The following TENM4 variants were observed in gnomAD, a reference collection of about 807,000 sequenced individuals.
The protein encoded by TENM4 is teneurin transmembrane protein 4.
In TENM4, 82 loss-of-function variants were observed where a neutral mutation model predicts 243.3. The observed-to-expected ratio is 0.34, with a 90% CI of 0.28 to 0.40. TENM4 has a LOEUF of 0.40. Ranked by LOEUF, TENM4 falls within the 10% of genes least tolerant of loss-of-function variation. TENM4 has a pLI of 1.00. For synonymous variants in TENM4, 1,412 were observed against 1,456.3 expected (o/e 0.97, Z 0.69); for missense variants, 3,138 against 3,673.3 (o/e 0.85, Z 3.77).
intron 3 of TENM4, among the ~76,000 whole-genome samples, chr11:79,204,480 A>T (rs1863809240): frequency 6.6e-6 from 1 of 152,116 alleles, no homozygotes; most frequent in Admixed American, 6.5e-5. Flanking sequence ...GGTTGGGGAG[A>T]TACAATGTGG....
chr11:79,136,671 C>T (rs936498961), intron 4 of TENM4, among the ~76,000 whole-genome samples: 8 of 152,134 alleles, frequency 5.3e-5, no homozygotes, highest in Non-Finnish European at 5.9e-5. Context: ...TATGGGTTTG[C>T]CTATCCTTCA....
chr11:79,422,480 G>T (rs756294789), intron 1 of TENM4, among the ~76,000 whole-genome samples: 6 of 151,958 alleles, frequency 3.9e-5, no homozygotes, highest in Non-Finnish European at 8.8e-5. Flanking sequence ...TTAATATGGG[G>T]CCCCTAATTC....
chr11:79,018,536 T>C lies in TENM4; in HGVS notation c.493+46202A>G, dbSNP rs566822513. On this transcript the variant is annotated intron_variant, in intron 6 of 33. Coordinates refer to ENST00000278550, the MANE Select transcript of TENM4 (RefSeq NM_001098816.3). ...ACCAGTAAGCTGATTATTTATAATG[T>C]GGCAGAAGATAGTTTTAAGATAAAG... Among the ~76,000 whole-genome samples the C allele has an allele frequency of 1.5e-3, 234 of 152,244 alleles. 2 individuals carry two copies. The highest frequency in any genetic ancestry group is 5.5e-3 in the African/African-American group (229 of 41,546).
chr11:79,100,509 T>C (rs1861200965), intron 4 of TENM4, among the ~76,000 whole-genome samples: 1 of 152,170 alleles, frequency 6.6e-6, no homozygotes, highest in Non-Finnish European at 1.5e-5. Context: ...GGATCATAGC[T>C]AGTTGTGGGG....
chr11:78,737,821 A>G (rs1453290915), intron 20 of TENM4, among the ~76,000 whole-genome samples: 1 of 152,214 alleles, frequency 6.6e-6, no homozygotes, highest in Non-Finnish European at 1.5e-5. Context: ...TGGGGAACTA[A>G]GATTTGTTAA....
Position 78,786,975 on chromosome 11 carries a change from C to G in TENM4, c.2288G>C (p.Arg763Pro). 2 of 1,591,402 alleles carry G rather than the reference C, an allele frequency of 1.3e-6. No individual in the cohort carries two copies. The highest frequency in any genetic ancestry group is 1.7e-6 in the Non-Finnish European group (2 of 1,169,308). Residue 763 changes from arginine to proline, a missense_variant, in exon 16 of 34, where the codon CGC (arginine) becomes CCC (proline). By Grantham distance (103) the Arg-to-Pro change is moderately radical. Around this residue, in one of 2 missense-constraint regions of TENM4, gnomAD observed 2,467 missense variants for 3,059.1 expected, o/e 0.81. Transcript: ENST00000278550. ...GCGGCAGGTCCCATGCTCGGCACAG[C>G]GCGGGTGGCAGGCCCGCTGGTCGCA... ...AACDQRACHPRCAEHGTCRDG... is the reference protein window; with the variant it reads ...AACDQRACHPPCAEHGTCRDG...
chr11:78,938,329 A>G (rs1266477307), intron 6 of TENM4, among the ~76,000 whole-genome samples: 2 of 152,190 alleles, frequency 1.3e-5, no homozygotes, highest in African/African-American at 2.4e-5. Flanking sequence ...AAGAGTTCCT[A>G]TGCACTTTTC....
At chr11:79,092,998 C>G (rs1392612915) in intron 4 of TENM4, 3 of 152,186 alleles carry the variant, frequency 2.0e-5, no homozygotes, top group African/African-American at 7.2e-5. Flanking sequence ...GTCAAGAGTA[C>G]TTGGTAAGTT....
In TENM4 at chr11:78,771,193, C is replaced by A. The variant is rs949971467; in HGVS notation, c.2393-55G>T. On this transcript the variant is annotated intron_variant, in intron 17 of 33. Coordinates refer to ENST00000278550, the MANE Select transcript of TENM4 (RefSeq NM_001098816.3). ...GATCACCCAGAGTCAACTGCCATCA[C>A]ACACACTAACACGCTACCTGCCAAC... 5.2e-6 allele frequency: 8 copies of A among 1,537,276 alleles called. No homozygotes were observed. In the African/African-American group the frequency reaches 1.1e-4, roughly 21 times the overall value.
intron 9 of TENM4, among the ~76,000 whole-genome samples, chr11:78,871,760 C>T (rs1034622949): frequency 6.6e-6 from 1 of 152,166 alleles, no homozygotes; most frequent in African/African-American, 2.4e-5. Context: ...ACAGCACGGG[C>T]CATGTCAGGC....
intron 28 of TENM4, among the ~76,000 whole-genome samples, chr11:78,697,386 C>A (rs746395967): frequency 1.3e-5 from 2 of 152,282 alleles, no homozygotes; most frequent in South Asian, 2.1e-4. Context: ...AGGAAACGCA[C>A]GAATTTACCT....
At chr11:79,228,776 T>A (rs1162131031) in intron 2 of TENM4, among the ~76,000 whole-genome samples, 2 of 152,230 alleles carry the variant, frequency 1.3e-5, no homozygotes, top group South Asian at 2.1e-4. Flanking sequence ...ATTGCCACGA[T>A]AGCACAGACC....
chr11:78,995,961 G>A (rs1410843833), intron 6 of TENM4, among the ~76,000 whole-genome samples: 1 of 152,112 alleles, frequency 6.6e-6, no homozygotes, highest in Non-Finnish European at 1.5e-5. Flanking sequence ...TTCCCATTGA[G>A]CCTAAACTGA....
At chr11:78,832,372 A>G (rs538247712) in intron 12 of TENM4, among the ~76,000 whole-genome samples, 20 of 152,384 alleles carry the variant, frequency 1.3e-4, no homozygotes, top group African/African-American at 4.8e-4. Context: ...AGAAGCTCTT[A>G]GAGGACAGGG....
At chr11:79,140,491 C>T (rs1439893936) in intron 4 of TENM4, among the ~76,000 whole-genome samples, 2 of 152,032 alleles carry the variant, frequency 1.3e-5, no homozygotes, top group Non-Finnish European at 2.9e-5. Context: ...CTTATTTACC[C>T]TCCTGTTTAA....
intron 4 of TENM4, among the ~76,000 whole-genome samples, chr11:79,101,479 G>T (rs1372157486): frequency 6.6e-6 from 1 of 152,196 alleles, no homozygotes; most frequent in Non-Finnish European, 1.5e-5. Context: ...CCTTACTTTG[G>T]CTTGACTTTG....
At chr11:78,677,700 G>A (rs1028189211) in intron 29 of TENM4, among the ~76,000 whole-genome samples, 1 of 150,160 alleles carries the variant, frequency 6.7e-6, no homozygotes, top group Non-Finnish European at 1.5e-5. Context: ...CATTGTCACA[G>A]GCATATGACA....
chr11:78,855,744 T>C (rs889447080), intron 11 of TENM4, among the ~76,000 whole-genome samples: 2 of 152,214 alleles, frequency 1.3e-5, no homozygotes, highest in South Asian at 2.1e-4. Flanking sequence ...AGAAAGGCTG[T>C]TAAGAGATTT....
At chr11:79,335,803 C>A (rs553406911) in intron 1 of TENM4, among the ~76,000 whole-genome samples, 1 of 152,250 alleles carries the variant, frequency 6.6e-6, no homozygotes, top group East Asian at 1.9e-4. Flanking sequence ...TATAGGAGCC[C>A]GCAGCTTGCA....
Sources: allele counts gnomAD v4.1 joint callset (sites outside exome capture counted in the v4.1 genomes callset), GRCh38; gene constraint gnomAD v4.1.1; regional missense constraint gnomAD v4.1.1; transcripts MANE v1.5; gene names NCBI Gene and HGNC (gene_info 2026-07-23, HGNC 2026-07-21).